KCNIP4: variants seen among roughly 807,000 people sequenced by gnomAD.
KCNIP4 encodes the protein Kv channel-interacting protein 4.
Under a neutral mutation model 34.0 loss-of-function variants are expected in KCNIP4, and 12 were observed. The ratio of observed to expected loss-of-function variants is 0.35; its 90% CI spans 0.23 to 0.57. The LOEUF is 0.57. Ranked by LOEUF, KCNIP4 falls within the 20% of genes least tolerant of loss-of-function variation. The pLI is 0.83. For synonymous variants in KCNIP4, 124 were observed against 102.2 expected (o/e 1.21, Z -1.29); for missense variants, 238 against 311.7 (o/e 0.76, Z 1.78).
At chr4:21,250,132 C>T (rs1463016549) in intron 1 of KCNIP4, among the ~76,000 whole-genome samples, 3 of 131,076 alleles carry the variant, frequency 2.3e-5, no homozygotes, top group East Asian at 2.2e-4. Context: ...TTTTTTTTTT[C>T]CCCCAGGAAA....
At chr4:21,697,300 C>T (rs751496577) in intron 1 of KCNIP4, 11 of 1,385,928 alleles carry the variant, frequency 7.9e-6, no homozygotes, top group South Asian at 7.4e-5. Context: ...CATTACCATG[C>T]TCTACTAGCC....
intron 1 of KCNIP4, among the ~76,000 whole-genome samples, chr4:20,955,257 G>A (rs1478289983): frequency 6.6e-6 from 1 of 152,166 alleles, no homozygotes; most frequent in African/African-American, 2.4e-5. Flanking sequence ...ACGGCAAAAT[G>A]TGTCTACTGT....
At chr4:21,111,959 C>G (rs1376982335) in intron 1 of KCNIP4, among the ~76,000 whole-genome samples, 1 of 152,182 alleles carries the variant, frequency 6.6e-6, no homozygotes, top group African/African-American at 2.4e-5. Context: ...TAGAGCAAAA[C>G]AGAAATGAGG....
intron 1 of KCNIP4, among the ~76,000 whole-genome samples, chr4:21,775,435 C>T (rs1719110266): frequency 6.6e-6 from 1 of 152,178 alleles, no homozygotes; most frequent in Middle Eastern, 3.2e-3. Flanking sequence ...AAGTCCTCAC[C>T]CAGCTGAGTG....
At chr4:21,021,848 AAGTATAGTATCGTAT>A (rs1216455362) in intron 1 of KCNIP4, among the ~76,000 whole-genome samples, 67 of 134,494 alleles carry the variant, frequency 5.0e-4, no homozygotes, top group African/African-American at 1.5e-3. Context: ...TAATAATGAA[AAGTATAGTATCGTAT>A]AGTATAGTAT....
At chr4:21,497,359 T>C (rs552258404) in intron 1 of KCNIP4, among the ~76,000 whole-genome samples, 56 of 152,294 alleles carry the variant, frequency 3.7e-4, no homozygotes, top group African/African-American at 1.3e-3. Flanking sequence ...ATACCCTTGC[T>C]TTCCATTCTT....
At chr4:21,811,775 C>A (rs549041222) in intron 1 of KCNIP4, among the ~76,000 whole-genome samples, 1 of 152,132 alleles carries the variant, frequency 6.6e-6, no homozygotes, top group African/African-American at 2.4e-5. Flanking sequence ...GGATAGCTAG[C>A]ATGATGCTTG....
chr4:21,918,728 C>A (rs1487292681), intron 1 of KCNIP4, among the ~76,000 whole-genome samples: 3 of 152,084 alleles, frequency 2.0e-5, no homozygotes, highest in Non-Finnish European at 4.4e-5. Flanking sequence ...AAATAAGAAA[C>A]CTTTGGTTTT....
At chr4:21,371,909 A>G (rs1346583316) in intron 1 of KCNIP4, among the ~76,000 whole-genome samples, 2 of 147,126 alleles carry the variant, frequency 1.4e-5, no homozygotes, top group Non-Finnish European at 2.9e-5. Flanking sequence ...TAAGCAGTTG[A>G]GCTGTGGAAA....
At chr4:21,944,569 AAAAAAAAAAGAG>A (rs1730395581) in intron 1 of KCNIP4, among the ~76,000 whole-genome samples, 1 of 151,714 alleles carries the variant, frequency 6.6e-6, no homozygotes, top group Non-Finnish European at 1.5e-5. Context: ...AAAAAAAAAA[AAAAAAAAAAGAG>A]AGATCTGAGA....
intron 1 of KCNIP4, among the ~76,000 whole-genome samples, chr4:21,051,772 T>A (rs79782175): frequency 0.13 from 20,045 of 152,224 alleles, 1,632 homozygotes; most frequent in East Asian, 0.24. Flanking sequence ...AGAGGCAAGC[T>A]GATCTTGCTC....
intron 1 of KCNIP4, among the ~76,000 whole-genome samples, chr4:21,815,252 A>T (rs1721922248): frequency 6.6e-6 from 1 of 152,204 alleles, no homozygotes; most frequent in South Asian, 2.1e-4. Flanking sequence ...AAAAGGGGAT[A>T]AAAATTGTCT....
chr4:21,527,758 A>G (rs1200844840), intron 1 of KCNIP4, among the ~76,000 whole-genome samples: 1 of 152,156 alleles, frequency 6.6e-6, no homozygotes, highest in Non-Finnish European at 1.5e-5. Context: ...CGAAAAGGAA[A>G]AGTAGGACAA....
intron 1 of KCNIP4, among the ~76,000 whole-genome samples, chr4:21,018,602 C>G (rs995272585): frequency 5.3e-5 from 8 of 152,112 alleles, no homozygotes; most frequent in African/African-American, 1.7e-4. Context: ...ATTGCTGAAC[C>G]TATTGACACT....
chr4:20,997,443 T>C (rs2149713286), intron 1 of KCNIP4, among the ~76,000 whole-genome samples: 1 of 152,278 alleles, frequency 6.6e-6, no homozygotes. Context: ...TAACTGATGG[T>C]GAAACATGTT....
At chr4:21,231,422 T>C (rs1215109780) in intron 1 of KCNIP4, among the ~76,000 whole-genome samples, 1 of 152,188 alleles carries the variant, frequency 6.6e-6, no homozygotes, top group Non-Finnish European at 1.5e-5. Flanking sequence ...AAGGTGCTAT[T>C]TCCCAAATCA....
At chr4:20,978,771 G>A (rs1368769666) in intron 1 of KCNIP4, among the ~76,000 whole-genome samples, 1 of 152,098 alleles carries the variant, frequency 6.6e-6, no homozygotes, top group Non-Finnish European at 1.5e-5. Context: ...TTACCATGAT[G>A]TATTATATTT....
intron 1 of KCNIP4, among the ~76,000 whole-genome samples, chr4:21,924,864 A>G (rs568803423): frequency 4.6e-5 from 7 of 151,820 alleles, no homozygotes; most frequent in Admixed American, 3.9e-4. Flanking sequence ...CTGGCCCCCA[A>G]TTGTTTAAGT....
chr4:20,732,235 T>TA (rs1328118758), intron 7 of KCNIP4, among the ~76,000 whole-genome samples, 167 bp from the exon 8 acceptor site: 3 of 152,202 alleles, frequency 2.0e-5, no homozygotes, highest in Admixed American at 1.3e-4. Flanking sequence ...ATAAAAATGA[T>TA]AGGGCCAAAT....
Sources: allele counts gnomAD v4.1 joint callset (sites outside exome capture counted in the v4.1 genomes callset), GRCh38; gene constraint gnomAD v4.1.1; transcripts MANE v1.5; gene names NCBI Gene and HGNC (gene_info 2026-07-23, HGNC 2026-07-21).